The following NUP153 variants were observed in gnomAD, a reference collection of about 807,000 sequenced individuals.
NUP153 encodes nucleoporin 153.
NUP153 carries 27 observed loss-of-function variants against 134.6 expected under a neutral mutation model. The ratio of observed to expected loss-of-function variants is 0.20; its 90% confidence interval spans 0.15 to 0.28. The LOEUF is 0.28. Ranked by LOEUF, NUP153 falls within the 10% of genes least tolerant of loss-of-function variation. The pLI is 1.00. For synonymous variants in NUP153, 640 were observed against 623.5 expected (o/e 1.03, Z -0.40); for missense variants, 1,821 against 1,731.3 (o/e 1.05, Z -0.92).
At chr6:17,661,468 A>G (rs988860151) in intron 11 of NUP153, among the ~76,000 whole-genome samples, 185 bp downstream of exon 11, 6 of 152,196 alleles carry the variant, frequency 3.9e-5, no homozygotes, top group African/African-American at 1.4e-4. Context: ...GTTTTGTTCT[A>G]TGATACCCAT....
At position 17,675,816 on chromosome 6, in the gene NUP153, T is replaced by A. The variant is rs372886342; in HGVS notation, c.335-46A>T. On this transcript the variant is annotated intron_variant, in intron 2 of 21. Transcript: ENST00000262077. The surrounding 1 kb of genome is among the most constrained non-coding windows in gnomAD (Gnocchi z 4.4). ...ATTATGAATATACAACTTAGAGCGATACACTACCACAAATGGTTTTTACTT... is the reference window on the plus strand; with the variant it reads ...ATTATGAATATACAACTTAGAGCGAAACACTACCACAAATGGTTTTTACTT... 6.4e-7 allele frequency: 1 copy of A among 1,567,618 alleles called. No individual in the cohort carries two copies. Among genetic ancestry groups the A allele is most frequent in the South Asian group, 1.1e-5 (1 of 89,692 alleles).
rs553001358 is a variant in NUP153 at position 17,661,639 on chromosome 6, G to A, written c.1395+14C>T. ...TTAAATAAACCTCAAGAGTATATGA[G>A]TATACAACCCTACCTCCTCCTCCAG... On this transcript the variant is annotated intron_variant, in intron 11 of 21. Coordinates refer to ENST00000262077, the MANE Select transcript of NUP153 (RefSeq NM_005124.4). The A allele has an allele frequency of 6.2e-7, 1 of 1,611,376 alleles. No homozygotes were observed. The highest frequency in any genetic ancestry group is 8.5e-7 in the Non-Finnish European group (1 of 1,178,636).
chr6:17,690,509 A>C (rs2113852924), intron 1 of NUP153, among the ~76,000 whole-genome samples: 1 of 152,346 alleles, frequency 6.6e-6, no homozygotes, highest in Non-Finnish European at 1.5e-5. Context: ...ATGAAAATCA[A>C]ATGAAATAAT....
At chr6:17,639,907 T>TAATTATC in intron 15 of NUP153, 32 bp downstream of exon 15, 1 of 1,574,614 alleles carries the variant, frequency 6.4e-7, no homozygotes, top group South Asian at 1.2e-5. Context: ...CATGAGTTTG[T>TAATTATC]AATCAAAAGG....
intron 1 of NUP153, among the ~76,000 whole-genome samples, chr6:17,700,740 G>A (rs1237831907): frequency 6.6e-6 from 1 of 152,072 alleles, no homozygotes; most frequent in African/African-American, 2.4e-5. Flanking sequence ...CTGTGGGCTG[G>A]GCCAAATTCA....
chr6:17,697,309 C>A (rs1385241166), intron 1 of NUP153, among the ~76,000 whole-genome samples: 1 of 152,128 alleles, frequency 6.6e-6, no homozygotes, highest in African/African-American at 2.4e-5. Flanking sequence ...GATTAGAATT[C>A]AATACTACAT....
chr6:17,683,957 C>T (rs945044500), intron 2 of NUP153, among the ~76,000 whole-genome samples: 1 of 152,130 alleles, frequency 6.6e-6, no homozygotes, highest in African/African-American at 2.4e-5. Flanking sequence ...GGGCAGATTC[C>T]TCATGAATGG....
In NUP153 at chr6:17,626,169, A is replaced by G. The variant is rs758375065; in HGVS notation, c.3545-5T>C. The G allele has an allele frequency of 1.3e-6, 2 of 1,599,052 alleles. No individual in the cohort carries two copies. The highest frequency in any genetic ancestry group is 8.5e-7 in the Non-Finnish European group (1 of 1,170,070). ...CTGGCTTTGCTGCACCTTGATCTGTAAGACAGAAATTAAGAAACAAACATA... is the reference window on the plus strand; with the variant it reads ...CTGGCTTTGCTGCACCTTGATCTGTGAGACAGAAATTAAGAAACAAACATA... On this transcript the variant is annotated splice_region_variant and splice_polypyrimidine_tract_variant and intron_variant, in intron 18 of 21. Coordinates refer to ENST00000262077, the MANE Select transcript of NUP153 (RefSeq NM_005124.4).
At chr6:17,643,598 T>C (rs1484679278) in intron 14 of NUP153, among the ~76,000 whole-genome samples, 1 of 152,198 alleles carries the variant, frequency 6.6e-6, no homozygotes, top group Non-Finnish European at 1.5e-5. Context: ...TACGGTAAAA[T>C]GTTAGGATTC....
In NUP153 at chr6:17,635,104, C is replaced by CTTT. The variant is rs59700511; in HGVS notation, c.2464+2046_2464+2048dup. On this transcript the variant is annotated intron_variant, in intron 16 of 21. Coordinates refer to ENST00000262077, the MANE Select transcript of NUP153 (RefSeq NM_005124.4). ...CCACAGGTTGCACAGCTTGGCTTAT[C>CTTT]TTTTTTTTTTTTTTTTTTTTTTTGA... 9.9e-3 allele frequency among the ~76,000 whole-genome samples: 1,034 copies of CTTT among 104,168 alleles called. 5 individuals are homozygous for CTTT. The highest frequency in any genetic ancestry group is 0.024 in the Middle Eastern group (3 of 124). 68.3% of individuals were successfully genotyped at this position (104,168 alleles called of 152,430 possible). A position where few individuals can be genotyped will look rare whatever the true frequency, so the allele number is the denominator to read the frequency against.
chr6:17,663,189 T>C (rs1767296114), intron 9 of NUP153, among the ~76,000 whole-genome samples: 1 of 151,620 alleles, frequency 6.6e-6, no homozygotes, highest in Non-Finnish European at 1.5e-5. Context: ...AAATTTTTCT[T>C]GCAAATCTGT....
In NUP153 at chr6:17,628,741, A is replaced by C; in HGVS notation, c.3458T>G (p.Phe1153Cys). ...DENSSKSTFS[F>C]SMTKPSEKES... ...CTTCTCAGATGGTTTTGTCATACTA[A>C]AACTAAATGTGGACTTTGAAGAATT... The change falls in exon 18 of 22, where the codon TTT (phenylalanine) becomes TGT (cysteine). Residue 1153 changes from phenylalanine to cysteine, a missense_variant. Coordinates refer to ENST00000262077, the MANE Select transcript of NUP153 (RefSeq NM_005124.4). The surrounding 1 kb of genome is among the most constrained non-coding windows in gnomAD (Gnocchi z 5.4). 6.2e-7 allele frequency: 1 copy of C among 1,614,158 alleles called. No individual in the cohort carries two copies.
chr6:17,623,357 CAAAAAAAA>C (rs11326447), intron 20 of NUP153, among the ~76,000 whole-genome samples: 1 of 81,958 alleles, frequency 1.2e-5, no homozygotes, highest in African/African-American at 4.7e-5. Context: ...GAAAAATGGC[CAAAAAAAA>C]AAAAAAAAAA....
At chr6:17,662,186 T>A in intron 9 of NUP153, 116 bp from the exon 10 acceptor site, 1 of 903,650 alleles carries the variant, frequency 1.1e-6, no homozygotes, top group Non-Finnish European at 1.7e-6. Context: ...GCTTTTTAGT[T>A]AATGAATCCT....
chr6:17,643,516 G>A (rs1323721580), intron 14 of NUP153, among the ~76,000 whole-genome samples: 2 of 152,112 alleles, frequency 1.3e-5, no homozygotes, highest in Admixed American at 6.5e-5. Context: ...GTACAACTAT[G>A]CCAAAACAAA....
chr6:17,651,238 G>A (rs555943646), intron 11 of NUP153, among the ~76,000 whole-genome samples: 1 of 152,254 alleles, frequency 6.6e-6, no homozygotes, highest in South Asian at 2.1e-4. Flanking sequence ...AGGAGTTCGA[G>A]GCTGTAGTGG....
At chr6:17,705,062 C>G (rs570253913) in intron 1 of NUP153, among the ~76,000 whole-genome samples, 48 of 152,314 alleles carry the variant, frequency 3.2e-4, no homozygotes, top group Non-Finnish European at 6.0e-4. Context: ...CGACCCAAAT[C>G]TTTACTTTTA....
Position 17,706,131 on chromosome 6 carries a change from C to G in NUP153, c.111+146G>C. 2 of 656,574 alleles carry G rather than the reference C, an allele frequency of 3.0e-6. No homozygotes were observed. Among genetic ancestry groups the G allele is most frequent in the Non-Finnish European group, 5.2e-6 (2 of 381,928 alleles). 40.7% of individuals were successfully genotyped at this position (656,574 alleles called of 1,614,324 possible). A position where few individuals can be genotyped will look rare whatever the true frequency, so the allele number is the denominator to read the frequency against. On this transcript the variant is annotated intron_variant, in intron 1 of 21. Transcript: ENST00000262077. This position sits in a 1 kb window ranked among gnomAD's most constrained non-coding sequence, Gnocchi z 5.9. ...GCCCACTTCCCGTCGCCACCCCCAACGGCCTGAGCTCCCCCGGAGCCTCAC... is the reference window on the plus strand; with the variant it reads ...GCCCACTTCCCGTCGCCACCCCCAAGGGCCTGAGCTCCCCCGGAGCCTCAC...
At chr6:17,697,761 G>A (rs1345684421) in intron 1 of NUP153, among the ~76,000 whole-genome samples, 17 of 151,226 alleles carry the variant, frequency 1.1e-4, no homozygotes, top group Non-Finnish European at 2.5e-4. Flanking sequence ...AAACAGCTGG[G>A]GTGGGGGAAG....
Sources: gnomAD v4.1 joint callset for allele counts (sites outside exome capture counted in the v4.1 genomes callset) on GRCh38, gnomAD v4.1.1 for gene constraint, Gnocchi (gnomAD v3.1) non-coding constraint, MANE v1.5 for transcripts, NCBI Gene and HGNC (gene_info 2026-07-23, HGNC 2026-07-21) for gene names.